SORCS3: variants seen among roughly 807,000 people sequenced by gnomAD.
The protein encoded by SORCS3 is sortilin related VPS10 domain containing receptor 3, also known as VPS10 domain-containing receptor SorCS3.
Under a neutral mutation model 146.3 loss-of-function variants are expected in SORCS3, and 57 were observed. The ratio of observed to expected loss-of-function variants is 0.39; its 90% CI spans 0.31 to 0.49. The LOEUF is 0.49. SORCS3 is among the 20% of genes least tolerant of loss of function. SORCS3 has a pLI of 0.92. For missense variants in SORCS3, 1,341 were observed against 1,575.5 expected, an observed-to-expected ratio of 0.85 and a Z score of 2.52; for synonymous variants, 653 against 618.5, an observed-to-expected ratio of 1.06 and a Z score of -0.83.
In SORCS3 at chr10:104,907,127, CTG is replaced by C. The variant is rs139418206; in HGVS notation, c.696-8680_696-8679del. 2.3e-3 allele frequency among the ~76,000 whole-genome samples: 342 copies of C among 147,610 alleles called. 1 individual carries two copies. Among genetic ancestry groups the C allele is most frequent in the Middle Eastern group, 0.01 (3 of 292 alleles). ...TACTCTTGAATGCTGCTGTATAGTA[CTG>C]TGTGTGTGTGTGTGTGTGTGTGTGT... On this transcript the variant is annotated intron_variant, in intron 2 of 26. Coordinates refer to ENST00000369701, the MANE Select transcript of SORCS3 (RefSeq NM_014978.3).
chr10:104,866,301 A>G (rs1185763754), intron 2 of SORCS3, among the ~76,000 whole-genome samples: 1 of 152,236 alleles, frequency 6.6e-6, no homozygotes, highest in Non-Finnish European at 1.5e-5. Flanking sequence ...GTAAAGAGAT[A>G]TGCATTTCTG....
At chr10:105,140,770 C>T (rs533290738) in intron 8 of SORCS3, among the ~76,000 whole-genome samples, 13 of 152,172 alleles carry the variant, frequency 8.5e-5, no homozygotes, top group African/African-American at 2.4e-4. Flanking sequence ...TCAGCAGAGA[C>T]CATTTTAAGT....
rs1258275901 is a variant in SORCS3, at chr10:104,653,029, G to T, written c.627+11075G>T. 2.0e-5 allele frequency among the ~76,000 whole-genome samples: 3 copies of T among 152,182 alleles called. No individual in the cohort carries two copies. In the East Asian group the frequency reaches 5.8e-4, roughly 29 times the overall value. ...AAGACCACAGTGAATGAAAATTAAT[G>T]AAATTATTAAAAAATTCTGGTTGTT... On this transcript the variant is annotated intron_variant, in intron 1 of 26. Transcript: ENST00000369701.
At chr10:105,009,527 CAAAAAAA>C (rs35368294) in intron 4 of SORCS3, among the ~76,000 whole-genome samples, 3,147 of 105,402 alleles carry the variant, frequency 0.03, 127 homozygotes, top group East Asian at 0.26. Flanking sequence ...AACAAACAAA[CAAAAAAA>C]AAAAAAAAAA....
chr10:105,070,132 C>A (rs1057291774), intron 5 of SORCS3, among the ~76,000 whole-genome samples: 4 of 152,196 alleles, frequency 2.6e-5, no homozygotes, highest in African/African-American at 7.2e-5. Flanking sequence ...CTCTTCTCTC[C>A]GCTCCTGAGA....
At chr10:105,177,995 C>T in intron 13 of SORCS3, 71 bp from the exon 14 acceptor site, 1 of 1,191,310 alleles carries the variant, frequency 8.4e-7, no homozygotes, top group Non-Finnish European at 1.2e-6. Flanking sequence ...ATTTAATAAC[C>T]TGAAAAACGG....
At chr10:105,191,424 G>A (rs1228738299) in intron 14 of SORCS3, among the ~76,000 whole-genome samples, 2 of 152,120 alleles carry the variant, frequency 1.3e-5, no homozygotes, top group Non-Finnish European at 2.9e-5. Context: ...GTACAGTTTT[G>A]TGGTTATATA....
At chr10:105,167,054 G>GCCC (rs1486191844) in intron 12 of SORCS3, among the ~76,000 whole-genome samples, 2 of 152,154 alleles carry the variant, frequency 1.3e-5, no homozygotes, top group Non-Finnish European at 2.9e-5. Flanking sequence ...TGCAATTTGA[G>GCCC]TGGCCTAGGG....
chr10:104,816,127 G>A (rs74155041), intron 1 of SORCS3, among the ~76,000 whole-genome samples: 2,008 of 152,254 alleles, frequency 0.013, 47 homozygotes, highest in African/African-American at 0.046. Context: ...GCAGGTTAAT[G>A]GGCATAAATA....
At chr10:104,667,089 C>T (rs1010498909) in intron 1 of SORCS3, among the ~76,000 whole-genome samples, 16 of 152,040 alleles carry the variant, frequency 1.1e-4, no homozygotes, top group Admixed American at 9.8e-4. Context: ...TGGTAGGTGT[C>T]ATGAAGAGAA....
At chr10:104,720,780 A>C (rs192346480) in intron 1 of SORCS3, among the ~76,000 whole-genome samples, 49 of 152,326 alleles carry the variant, frequency 3.2e-4, no homozygotes, top group Non-Finnish European at 6.2e-4. Flanking sequence ...TCTTCTTTTG[A>C]GAAGTGTCTG....
chr10:104,979,270 ATTCTGTAG>A (rs1430105386), intron 4 of SORCS3, among the ~76,000 whole-genome samples: 1 of 152,180 alleles, frequency 6.6e-6, no homozygotes, highest in Non-Finnish European at 1.5e-5. Flanking sequence ...GAATGCTTAA[ATTCTGTAG>A]TTCTCTATAT....
At chr10:104,914,811 T>C (rs2019007907) in intron 2 of SORCS3, among the ~76,000 whole-genome samples, 1 of 152,124 alleles carries the variant, frequency 6.6e-6, no homozygotes, top group South Asian at 2.1e-4. Context: ...AGAGCCAGAG[T>C]TGGGAACTGA....
chr10:104,906,082 CAG>C (rs1248866536), intron 2 of SORCS3, among the ~76,000 whole-genome samples: 1 of 152,140 alleles, frequency 6.6e-6, no homozygotes, highest in East Asian at 1.9e-4. Flanking sequence ...TGTGCCCAAA[CAG>C]ACATAATTGT....
intron 1 of SORCS3, among the ~76,000 whole-genome samples, chr10:104,833,808 G>C (rs2018035215): frequency 6.6e-6 from 1 of 152,082 alleles, no homozygotes; most frequent in Non-Finnish European, 1.5e-5. Flanking sequence ...TCTCTTCTCT[G>C]AACCCCAGAC....
chr10:104,882,207 C>T (rs1052924882), intron 2 of SORCS3, among the ~76,000 whole-genome samples: 2 of 152,170 alleles, frequency 1.3e-5, no homozygotes, highest in Non-Finnish European at 2.9e-5. Flanking sequence ...GATACCTCTG[C>T]TTTGTTCTTA....
At chr10:105,115,600 C>A (rs2055888437) in intron 7 of SORCS3, among the ~76,000 whole-genome samples, 1 of 152,048 alleles carries the variant, frequency 6.6e-6, no homozygotes, top group Non-Finnish European at 1.5e-5. Flanking sequence ...TGTAACTATT[C>A]TGGGATTTAA....
At chr10:105,102,375 G>A (rs774825763) in intron 6 of SORCS3, among the ~76,000 whole-genome samples, 20 of 152,162 alleles carry the variant, frequency 1.3e-4, no homozygotes, top group Non-Finnish European at 2.8e-4. Flanking sequence ...CATGTCCTTT[G>A]CAGCAACATG....
At chr10:104,642,931 G>A (rs753320435) in intron 1 of SORCS3, among the ~76,000 whole-genome samples, 2 of 152,198 alleles carry the variant, frequency 1.3e-5, no homozygotes, top group African/African-American at 4.8e-5. Flanking sequence ...GGCAGCTGCA[G>A]CGGCCCGCAG....
Sources: gnomAD v4.1 joint callset for allele counts (sites outside exome capture counted in the v4.1 genomes callset) on GRCh38, gnomAD v4.1.1 for gene constraint, MANE v1.5 for transcripts, NCBI Gene and HGNC (gene_info 2026-07-23, HGNC 2026-07-21) for gene names.